The following LONRF2 variants were observed in gnomAD, a reference collection of about 807,000 sequenced individuals.
The protein encoded by LONRF2 is LON peptidase N-terminal domain and ring finger 2.
Under a neutral mutation model 66.6 loss-of-function variants are expected in LONRF2, and 35 were observed. That is an observed-to-expected ratio of 0.53 (90% confidence interval 0.40 to 0.70). LONRF2 has a LOEUF of 0.70. LONRF2 is among the 30% of genes least tolerant of loss of function. LONRF2 has a pLI of 0.00. For missense variants in LONRF2, 902 were observed against 1,002.1 expected, an observed-to-expected ratio of 0.90 and a Z score of 1.35; for synonymous variants, 417 against 418.1, an observed-to-expected ratio of 1.00 and a Z score of 0.03.
chr2:100,305,026 G>A (rs771017976), intron 2 of LONRF2, among the ~76,000 whole-genome samples: 9 of 151,992 alleles, frequency 5.9e-5, no homozygotes, highest in Non-Finnish European at 8.8e-5. Flanking sequence ...CATCCACTCC[G>A]GGATTTCTCT....
In LONRF2 at chr2:100,283,340, G is replaced by A. The variant is rs1272076813; in HGVS notation, c.*958C>T. The A allele has an allele frequency of 1.3e-5, 2 of 152,074 alleles. No individual in the cohort carries two copies. Among genetic ancestry groups the A allele is most frequent in the Non-Finnish European group, 2.9e-5 (2 of 68,014 alleles). The allele number at this position is 152,074 out of a possible 1,614,324, so 9.4% of individuals were successfully genotyped here. Reference sequence around the variant, plus strand: ...TTTCCTGGAATAGATAGATTACCATGGCATGGCAGATTTTTTAATGTTTTT... The same window carrying A: ...TTTCCTGGAATAGATAGATTACCATAGCATGGCAGATTTTTTAATGTTTTT... On this transcript the variant is annotated 3_prime_UTR_variant, in exon 12 of 12. Transcript: ENST00000393437.
rs1274293997 is a variant in LONRF2, at chr2:100,276,090, A to T, written c.*8208T>A. ...TAAAAATGTATACAACAAATTATAT[A>T]CTAATATTACAAATAAATAAGATGT... On this transcript the variant is annotated 3_prime_UTR_variant, in exon 12 of 12. Transcript: ENST00000393437. 1 of 152,224 alleles carries T rather than the reference A, an allele frequency of 6.6e-6. No homozygotes were observed. Among genetic ancestry groups the T allele is most frequent in the Non-Finnish European group, 1.5e-5 (1 of 68,036 alleles). 9.4% of individuals were successfully genotyped at this position (152,224 alleles called of 1,614,324 possible). A position where few individuals can be genotyped will look rare whatever the true frequency, so the allele number is the denominator to read the frequency against.
intron 1 of LONRF2, among the ~76,000 whole-genome samples, chr2:100,314,508 T>C (rs1404824364): frequency 6.6e-6 from 1 of 152,216 alleles, no homozygotes; most frequent in African/African-American, 2.4e-5. Flanking sequence ...ATAGGCATTA[T>C]TTATTCTGCA....
chr2:100,303,023 C>A lies in LONRF2; in HGVS notation c.819G>T (p.Gln273His). 1 of 1,607,414 alleles carries A rather than the reference C, an allele frequency of 6.2e-7. No homozygotes were observed. Among genetic ancestry groups the A allele is most frequent in the Non-Finnish European group, 8.5e-7 (1 of 1,176,452 alleles). Residue 273 changes from glutamine (Q) to histidine (H), a missense_variant, in exon 3 of 12, where the codon CAG becomes CAT. Physicochemically the swap from Gln to His is conservative, Grantham distance 24. Coordinates refer to ENST00000393437, the MANE Select transcript of LONRF2 (RefSeq NM_198461.4). ...LLIKGHQVKA[Q>H]ALSGLGRSKE... ...TACTTCTTCCCAATCCAGAAAGAGC[C>A]TGAGCTTTTACTTGATGTCCCTAGA...
In LONRF2 at chr2:100,321,699, G is replaced by C; in HGVS notation, c.395C>G (p.Pro132Arg). 8.3e-7 allele frequency: 1 copy of C among 1,207,062 alleles called. No homozygotes were observed. Among genetic ancestry groups the C allele is most frequent in the Non-Finnish European group, 1.0e-6 (1 of 975,412 alleles). The allele number at this position is 1,207,062 out of a possible 1,614,324, so 74.8% of individuals were successfully genotyped here. ...PEAPGEGGPA[P>R]EPRAPRDLLG... Reference sequence around the variant, plus strand: ...CAGGTCGCGGGGCGCGCGGGGCTCCGGGGCCGGCCCTCCCTCGCCGGGCGC... The same window carrying C: ...CAGGTCGCGGGGCGCGCGGGGCTCCCGGGCCGGCCCTCCCTCGCCGGGCGC... Residue 132 changes from proline (P) to arginine (R), a missense_variant, in exon 1 of 12, where the codon CCG becomes CGG. Pro to Arg is a moderately radical substitution (Grantham distance 103, BLOSUM62 -2). Transcript: ENST00000393437.
In LONRF2 at chr2:100,276,219, A is replaced by G. The variant is rs1212471186; in HGVS notation, c.*8079T>C. 6.6e-6 allele frequency: 1 copy of G among 152,224 alleles called. No individual in the cohort carries two copies. The highest frequency in any genetic ancestry group is 2.4e-5 in the African/African-American group (1 of 41,462). 9.4% of individuals were successfully genotyped at this position (152,224 alleles called of 1,614,324 possible). A position where few individuals can be genotyped will look rare whatever the true frequency, so the allele number is the denominator to read the frequency against. ...TTGTAACATTTGCTAAAATGTACCC[A>G]TTGACAAAGCTTCATAGTCTTAACA... On this transcript the variant is annotated 3_prime_UTR_variant, in exon 12 of 12. Coordinates refer to ENST00000393437, the MANE Select transcript of LONRF2 (RefSeq NM_198461.4).
chr2:100,291,773 G>GTATT, intron 9 of LONRF2, among the ~76,000 whole-genome samples: 1 of 152,048 alleles, frequency 6.6e-6, no homozygotes, highest in Non-Finnish European at 1.5e-5. Flanking sequence ...GCCCAGGGTG[G>GTATT]TATTCTAGGC....
chr2:100,299,167 T>C lies in LONRF2; in HGVS notation c.1361+59A>G, dbSNP rs4851286. The C allele has an allele frequency of 0.66, 824,536 of 1,245,962 alleles. 276,379 individuals carry two copies. The highest frequency in any genetic ancestry group is 0.96 in the East Asian group (40,859 of 42,580). The allele number at this position is 1,245,962 out of a possible 1,614,324, so 77.2% of individuals were successfully genotyped here. On this transcript the variant is annotated intron_variant, in intron 6 of 11. Coordinates refer to ENST00000393437, the MANE Select transcript of LONRF2 (RefSeq NM_198461.4). Reference sequence around the variant, plus strand: ...TAATAAAAAGCCCATTACACTTTGGTATACATTTCAGAAAGGCTGCAGTTT... The same window carrying C: ...TAATAAAAAGCCCATTACACTTTGGCATACATTTCAGAAAGGCTGCAGTTT...
chr2:100,290,897 C>A (rs1327870640), intron 9 of LONRF2, among the ~76,000 whole-genome samples: 2 of 152,168 alleles, frequency 1.3e-5, no homozygotes, highest in African/African-American at 2.4e-5. Context: ...ACACACGGAG[C>A]AGTTTATAAT....
Position 100,321,713 on chromosome 2 carries a change from C to A in LONRF2, c.381G>T (p.Glu127Asp). The change falls in exon 1 of 12, where the codon GAG becomes GAT. Residue 127 changes from glutamate to aspartate, a missense_variant. Glu to Asp is a conservative substitution (Grantham distance 45). Transcript: ENST00000393437. ...CGCGGGGCTCCGGGGCCGGCCCTCC[C>A]TCGCCGGGCGCCTCGGGCTCGCCGC... ...NPGGEPEAPGEGGPAPEPRAP... is the reference protein window; with the variant it reads ...NPGGEPEAPGDGGPAPEPRAP... 8.5e-7 allele frequency: 1 copy of A among 1,173,372 alleles called. No individual in the cohort carries two copies. The highest frequency in any genetic ancestry group is 1.0e-6 in the Non-Finnish European group (1 of 952,860). 72.7% of individuals were successfully genotyped at this position (1,173,372 alleles called of 1,614,324 possible). A position where few individuals can be genotyped will look rare whatever the true frequency, so the allele number is the denominator to read the frequency against.
chr2:100,289,977 T>C (rs987142069), intron 10 of LONRF2, among the ~76,000 whole-genome samples: 1 of 152,056 alleles, frequency 6.6e-6, no homozygotes, highest in East Asian at 1.9e-4. Flanking sequence ...TGTGGTGGTG[T>C]GCACCTACAG....
intron 11 of LONRF2, 151 bp downstream of exon 11, chr2:100,286,763 G>A: frequency 1.4e-6 from 1 of 700,826 alleles, no homozygotes; most frequent in Non-Finnish European, 2.2e-6. Context: ...ACCACAGTAG[G>A]TGCTCCTTTG....
intron 1 of LONRF2, among the ~76,000 whole-genome samples, chr2:100,311,433 C>T (rs1023819363): frequency 2.0e-5 from 3 of 151,928 alleles, no homozygotes; most frequent in Non-Finnish European, 1.5e-5. Flanking sequence ...CTGCTGCAAA[C>T]CTGTGTGAGA....
chr2:100,300,461 C>T (rs1675163058), intron 4 of LONRF2, among the ~76,000 whole-genome samples, 183 bp downstream of exon 4: 1 of 152,160 alleles, frequency 6.6e-6, no homozygotes, highest in African/African-American at 2.4e-5. Context: ...TAATCATTTT[C>T]ATTACTTCCA....
At chr2:100,307,696 C>A (rs1440624790) in intron 2 of LONRF2, among the ~76,000 whole-genome samples, 1 of 152,094 alleles carries the variant, frequency 6.6e-6, no homozygotes, top group Non-Finnish European at 1.5e-5. Flanking sequence ...CAGTTAATAA[C>A]AATGTACTGT....
intron 1 of LONRF2, 107 bp downstream of exon 1, chr2:100,321,308 A>G: frequency 9.9e-7 from 1 of 1,009,490 alleles, no homozygotes; most frequent in Non-Finnish European, 1.3e-6. Flanking sequence ...CTAAGCCTAG[A>G]CAAAGCTCTC....
At chr2:100,304,790 ATTTTTTT>A (rs3039614) in intron 2 of LONRF2, among the ~76,000 whole-genome samples, 11 of 113,228 alleles carry the variant, frequency 9.7e-5, no homozygotes, top group Non-Finnish European at 1.4e-4. Context: ...TGCCTGGCTA[ATTTTTTT>A]TTTTTTTTTT....
intron 10 of LONRF2, among the ~76,000 whole-genome samples, chr2:100,289,619 A>G (rs1674917248): frequency 6.6e-6 from 1 of 151,634 alleles, no homozygotes; most frequent in Non-Finnish European, 1.5e-5. Context: ...TATATTTTTA[A>G]TAGAGCCAGG....
intron 1 of LONRF2, among the ~76,000 whole-genome samples, chr2:100,311,000 T>A (rs916244130): frequency 1.3e-5 from 2 of 152,244 alleles, no homozygotes; most frequent in African/African-American, 4.8e-5. Flanking sequence ...ACTGAAAATA[T>A]TCATCTGTTA....
Sources: allele counts gnomAD v4.1 joint callset (sites outside exome capture counted in the v4.1 genomes callset), GRCh38; gene constraint gnomAD v4.1.1; transcripts MANE v1.5; gene names NCBI Gene and HGNC (gene_info 2026-07-23, HGNC 2026-07-21).